ZNF736: variants seen among roughly 807,000 people sequenced by gnomAD.
ZNF736 encodes zinc finger protein 736.
In ZNF736, 6 loss-of-function variants were observed where a neutral mutation model predicts 11.7. The ratio of observed to expected loss-of-function variants is 0.51; its 90% CI spans 0.28 to 1.01. ZNF736 has a LOEUF of 1.01. ZNF736 is among the 50% of genes least tolerant of loss of function. The probability of loss-of-function intolerance (pLI) is 0.09; values close to 1 mark genes in which losing one functional copy is unlikely to be tolerated. For missense variants in ZNF736, 444 were observed against 496.0 expected, an observed-to-expected ratio of 0.90 and a Z score of 1.00; for synonymous variants, 139 against 164.7, an observed-to-expected ratio of 0.84 and a Z score of 1.19.
At chr7:64,347,217 CTTTTTTTT>C (rs35033527) in intron 3 of ZNF736, among the ~76,000 whole-genome samples, 3 of 55,872 alleles carry the variant, frequency 5.4e-5, no homozygotes, top group Admixed American at 5.2e-4. Flanking sequence ...AAATGTTCGC[CTTTTTTTT>C]TTTTTTTTTT....
At chr7:64,315,184 A>T (rs1347213820) in intron 1 of ZNF736, among the ~76,000 whole-genome samples, 4 of 152,008 alleles carry the variant, frequency 2.6e-5, no homozygotes, top group Non-Finnish European at 5.9e-5. Context: ...TATGCTTTCT[A>T]TGCAGCCTGT....
chr7:64,313,976 T>A lies in ZNF736; in HGVS notation c.-175T>A, dbSNP rs952309214. 1.2e-6 allele frequency: 1 copy of A among 801,010 alleles called. No homozygotes were observed. Among genetic ancestry groups the A allele is most frequent in the African/African-American group, 1.7e-5 (1 of 58,108 alleles). The allele number at this position is 801,010 out of a possible 1,614,324, so 49.6% of individuals were successfully genotyped here. A position where few individuals can be genotyped will look rare whatever the true frequency, so the allele number is the denominator to read the frequency against. On this transcript the variant is annotated 5_prime_UTR_variant, in exon 1 of 4. The change abolishes an upstream ATG in the 5' untranslated region. Transcript: ENST00000423484. ...AGAGGAAGAGGCGGCCTCTTCAATATGGCGGGGCCTTTGTCTCCTAGCTTC... is the reference window on the plus strand; with the variant it reads ...AGAGGAAGAGGCGGCCTCTTCAATAAGGCGGGGCCTTTGTCTCCTAGCTTC...
chr7:64,348,604 C>T lies in ZNF736; in HGVS notation c.741C>T (p.His247=). Reference sequence around the variant, plus strand: ...CCTGCTCCTCAACCCTTGTTAAACACAAGAGAAATCATACTGGAGACAGAC... The same window carrying T: ...CCTGCTCCTCAACCCTTGTTAAACATAAGAGAAATCATACTGGAGACAGAC... The part of the protein sequence containing the change: ...TFTCSSTLVK[H]KRNHTGDRPY... The change falls in exon 4 of 4, where the codon CAC becomes CAT. Residue 247 remains histidine (H), a synonymous_variant. Coordinates refer to ENST00000423484, the MANE Select transcript of ZNF736 (RefSeq NM_001170905.3). 6.3e-7 allele frequency: 1 copy of T among 1,599,268 alleles called. No individual in the cohort carries two copies. The highest frequency in any genetic ancestry group is 1.1e-5 in the South Asian group (1 of 89,520).
At chr7:64,336,411 CAT>C (rs1216784415) in intron 2 of ZNF736, 26 bp downstream of exon 2, 1 of 1,548,314 alleles carries the variant, frequency 6.5e-7, no homozygotes, top group Non-Finnish European at 8.7e-7. Context: ...ATATACAACT[CAT>C]ATTCTACATT....
intron 1 of ZNF736, among the ~76,000 whole-genome samples, chr7:64,330,004 C>T (rs1789139042): frequency 1.3e-5 from 2 of 152,134 alleles, no homozygotes; most frequent in African/African-American, 4.8e-5. Flanking sequence ...TTTTATCAAG[C>T]ATAAGAAACC....
intron 1 of ZNF736, among the ~76,000 whole-genome samples, chr7:64,317,375 G>A (rs184424579): frequency 6.6e-6 from 1 of 152,220 alleles, no homozygotes; most frequent in African/African-American, 2.4e-5. Context: ...AATGAATGAA[G>A]CTGTTTTTTG....
At chr7:64,344,708 A>G (rs1236327274) in intron 3 of ZNF736, among the ~76,000 whole-genome samples, 2 of 152,166 alleles carry the variant, frequency 1.3e-5, no homozygotes, top group African/African-American at 2.4e-5. Flanking sequence ...GAAAGTTTAA[A>G]TTGCTTTTAC....
At chr7:64,330,007 A>G (rs1217168014) in intron 1 of ZNF736, among the ~76,000 whole-genome samples, 9 of 152,090 alleles carry the variant, frequency 5.9e-5, no homozygotes, top group Admixed American at 4.6e-4. Context: ...TATCAAGCAT[A>G]AGAAACCACT....
At chr7:64,315,782 ATTTC>A (rs934954732) in intron 1 of ZNF736, among the ~76,000 whole-genome samples, 1 of 152,166 alleles carries the variant, frequency 6.6e-6, no homozygotes, top group African/African-American at 2.4e-5. Flanking sequence ...TAAATTTCCA[ATTTC>A]TTTCCCACAT....
At position 64,351,631 on chromosome 7, in the gene ZNF736, T is replaced by C. The variant is rs1011626885; in HGVS notation, c.*2484T>C. On this transcript the variant is annotated 3_prime_UTR_variant, in exon 4 of 4. Transcript: ENST00000423484. ...CAGAAATTAGGCCCAACAGTTCCCG[T>C]AGGGCTAAAGTCTCTTATGGGAGAC... The C allele has an allele frequency of 6.6e-6, 1 of 152,254 alleles. No homozygotes were observed. The highest frequency in any genetic ancestry group is 2.4e-5 in the African/African-American group (1 of 41,460). 9.4% of individuals were successfully genotyped at this position (152,254 alleles called of 1,614,324 possible). A position where few individuals can be genotyped will look rare whatever the true frequency, so the allele number is the denominator to read the frequency against.
intron 1 of ZNF736, among the ~76,000 whole-genome samples, chr7:64,333,002 A>G (rs1789192334): frequency 4.6e-5 from 7 of 152,218 alleles, no homozygotes; most frequent in Admixed American, 3.9e-4. Context: ...TACAGTTAAC[A>G]CAATTATTAC....
At chr7:64,346,977 TA>T (rs1223305800) in intron 3 of ZNF736, among the ~76,000 whole-genome samples, 1 of 152,012 alleles carries the variant, frequency 6.6e-6, no homozygotes, top group African/African-American at 2.4e-5. Context: ...CTCCTTTTTT[TA>T]ATAATTGATT....
At chr7:64,314,280 G>C in intron 1 of ZNF736, 127 bp downstream of exon 1, 1 of 1,231,108 alleles carries the variant, frequency 8.1e-7, no homozygotes, top group Non-Finnish European at 1.1e-6. Context: ...AGTCCCCGCG[G>C]GCACAGCTCA....
rs920268498 is a variant in ZNF736 at position 64,349,696 on chromosome 7, G to A, written c.*549G>A. ...CTTTAGTGTGCTTTTGTAGTGACTG[G>A]TAATAGTCTTTTTCTTATTTAATGC... On this transcript the variant is annotated 3_prime_UTR_variant, in exon 4 of 4. Coordinates refer to ENST00000423484, the MANE Select transcript of ZNF736 (RefSeq NM_001170905.3). The A allele has an allele frequency of 1.3e-5, 2 of 152,210 alleles. No individual in the cohort carries two copies. Among genetic ancestry groups the A allele is most frequent in the Admixed American group, 1.3e-4 (2 of 15,262 alleles). The allele number at this position is 152,210 out of a possible 1,614,324, so 9.4% of individuals were successfully genotyped here. A position where few individuals can be genotyped will look rare whatever the true frequency, so the allele number is the denominator to read the frequency against.
intron 1 of ZNF736, among the ~76,000 whole-genome samples, chr7:64,320,312 T>A (rs1337870776): frequency 6.6e-6 from 1 of 152,176 alleles, no homozygotes; most frequent in Non-Finnish European, 1.5e-5. Context: ...ACACAAGATT[T>A]TAAGAAATGG....
At chr7:64,319,331 GTGTATA>G (rs1430044153) in intron 1 of ZNF736, among the ~76,000 whole-genome samples, 3,726 of 75,362 alleles carry the variant, frequency 0.049, 281 homozygotes, top group African/African-American at 0.051. Context: ...GTGTGTGTAT[GTGTATA>G]TATATATATA....
Position 64,337,741 on chromosome 7 carries a change from GTTTT to G in ZNF736, c.226+760_226+763del, listed in dbSNP as rs1304297600. 1.9e-4 allele frequency among the ~76,000 whole-genome samples: 13 copies of G among 69,240 alleles called. No individual in the cohort carries two copies. In the East Asian group the frequency reaches 2.6e-3, roughly 14 times the overall value. The allele number at this position is 69,240 out of a possible 152,430, so 45.4% of individuals were successfully genotyped here. On this transcript the variant is annotated intron_variant, in intron 3 of 3. Transcript: ENST00000423484. The stretch of plus-strand genomic sequence containing the variant: ...CTGAGTATTTTTTTTGTTTTGTTTT[GTTTT>G]GTTTTTTTTGGTTTTTTTTTTTTTT...
chr7:64,347,659 C>T (rs1271686430), intron 3 of ZNF736, among the ~76,000 whole-genome samples: 2 of 152,152 alleles, frequency 1.3e-5, no homozygotes, highest in South Asian at 4.1e-4. Context: ...CAGTGCATAC[C>T]ACCTTTCCTT....
At position 64,354,670 on chromosome 7, in the gene ZNF736, A is replaced by G. The variant is rs1266300788; in HGVS notation, c.*5523A>G. On this transcript the variant is annotated 3_prime_UTR_variant, in exon 4 of 4. Coordinates refer to ENST00000423484, the MANE Select transcript of ZNF736 (RefSeq NM_001170905.3). Reference sequence around the variant, plus strand: ...ATGAAAGTGACTTTGATAAAATTTAATGGTGTTCACAAAATAATTTTCACG... The same window carrying G: ...ATGAAAGTGACTTTGATAAAATTTAGTGGTGTTCACAAAATAATTTTCACG... 6.6e-6 allele frequency: 1 copy of G among 152,166 alleles called. No homozygotes were observed. The highest frequency in any genetic ancestry group is 1.5e-5 in the Non-Finnish European group (1 of 68,012). The allele number at this position is 152,166 out of a possible 1,614,324, so 9.4% of individuals were successfully genotyped here.
Sources: allele counts gnomAD v4.1 joint callset (sites outside exome capture counted in the v4.1 genomes callset), GRCh38; gene constraint gnomAD v4.1.1; transcripts MANE v1.5; gene names NCBI Gene and HGNC (gene_info 2026-07-23, HGNC 2026-07-21).